ANKRD30B: variants seen among roughly 807,000 people sequenced by gnomAD.
ANKRD30B encodes the protein ankyrin repeat domain-containing protein 30B.
ANKRD30B carries 144 observed loss-of-function variants against 202.2 expected under a neutral mutation model. That is an observed-to-expected ratio of 0.71 (90% CI 0.62 to 0.82). The LOEUF (loss-of-function observed/expected upper bound fraction) is 0.82. ANKRD30B is among the 40% of genes least tolerant of loss of function. The pLI is 0.00. For synonymous variants in ANKRD30B, 508 were observed against 561.3 expected, an observed-to-expected ratio of 0.91 and a Z score of 1.34; for missense variants, 1,487 against 1,669.1, an observed-to-expected ratio of 0.89 and a Z score of 1.90.
At chr18:14,838,613 A>T (rs976919600) in intron 36 of ANKRD30B, among the ~76,000 whole-genome samples, 6 of 152,186 alleles carry the variant, frequency 3.9e-5, no homozygotes, top group Non-Finnish European at 7.3e-5. Flanking sequence ...CAAGGTCACA[A>T]CTGTGGATGT....
At chr18:14,799,533 T>C (rs947380215) in intron 22 of ANKRD30B, among the ~76,000 whole-genome samples, 1 of 152,112 alleles carries the variant, frequency 6.6e-6, no homozygotes, top group Non-Finnish European at 1.5e-5. Context: ...ATCCCGATAG[T>C]ATAAAGTTTC....
chr18:14,861,326 G>T, the ANKRD30B span, among the ~76,000 whole-genome samples: 1 of 152,118 alleles, frequency 6.6e-6, no homozygotes, highest in Non-Finnish European at 1.5e-5. Flanking sequence ...TAGACACAAA[G>T]TGGCAAACTG....
intron 32 of ANKRD30B, among the ~76,000 whole-genome samples, chr18:14,825,479 A>T (rs1335702026): frequency 6.6e-6 from 1 of 151,952 alleles, no homozygotes; most frequent in African/African-American, 2.4e-5. Context: ...GGATGATCAA[A>T]CTTTTGTCTT....
intron 9 of ANKRD30B, among the ~76,000 whole-genome samples, chr18:14,774,168 T>C (rs1967202530): frequency 6.6e-6 from 1 of 152,166 alleles, no homozygotes; most frequent in South Asian, 2.1e-4. Flanking sequence ...AAAATCTTTA[T>C]TACCCAGGTA....
In ANKRD30B at chr18:14,854,406, G is replaced by T. The variant is rs561235397; in HGVS notation, c.*248G>T. Among the ~76,000 whole-genome samples the T allele has an allele frequency of 4.6e-5, 7 of 152,232 alleles. No homozygotes were observed. The highest frequency in any genetic ancestry group is 1.7e-4 in the African/African-American group (7 of 41,562). ...GTCCTGGCAGTGCTTCTGGTGTGTG[G>T]GATGGGGGTAGAATCCCATGCATGA... On this transcript the variant is annotated 3_prime_UTR_variant, in exon 44 of 44. Transcript: ENST00000690538.
chr18:14,836,132 A>G (rs1485154102), intron 34 of ANKRD30B, among the ~76,000 whole-genome samples: 1 of 151,938 alleles, frequency 6.6e-6, no homozygotes, highest in Non-Finnish European at 1.5e-5. Flanking sequence ...ATAAATATTT[A>G]TTTTCTAATC....
At chr18:14,935,164 C>T in the ANKRD30B span, among the ~76,000 whole-genome samples, 2,227 of 152,270 alleles carry the variant, frequency 0.015, 45 homozygotes, top group African/African-American at 0.051. Flanking sequence ...CAGCCATTGT[C>T]ATAGCCTGGG....
At chr18:14,781,915 G>A (rs984340989) in intron 11 of ANKRD30B, among the ~76,000 whole-genome samples, 1 of 152,184 alleles carries the variant, frequency 6.6e-6, no homozygotes, top group African/African-American at 2.4e-5. Context: ...TTAAGCACCT[G>A]TGGTACATCA....
chr18:14,776,264 G>A (rs1338829461), intron 9 of ANKRD30B, among the ~76,000 whole-genome samples: 3 of 152,198 alleles, frequency 2.0e-5, no homozygotes, highest in Non-Finnish European at 4.4e-5. Context: ...TATCCAAGAT[G>A]AGGGATTATG....
intron 41 of ANKRD30B, among the ~76,000 whole-genome samples, chr18:14,850,669 A>G (rs1044930634): frequency 2.0e-5 from 3 of 151,960 alleles, no homozygotes; most frequent in East Asian, 1.9e-4. Flanking sequence ...AGATTAGTGT[A>G]TTTTTCCTAG....
chr18:14,899,933 T>C, the ANKRD30B span, among the ~76,000 whole-genome samples: 1 of 152,174 alleles, frequency 6.6e-6, no homozygotes, highest in African/African-American at 2.4e-5. Flanking sequence ...CTTCATTAAA[T>C]GACGAACGGA....
At chr18:14,789,728 G>C (rs368588497) in intron 15 of ANKRD30B, among the ~76,000 whole-genome samples, 43 of 152,120 alleles carry the variant, frequency 2.8e-4, no homozygotes, top group East Asian at 2.7e-3. Context: ...TCTGAGGGCT[G>C]TGTTCTGTTC....
At chr18:14,889,429 C>G in the ANKRD30B span, among the ~76,000 whole-genome samples, 1 of 152,138 alleles carries the variant, frequency 6.6e-6, no homozygotes, top group South Asian at 2.1e-4. Flanking sequence ...TATAATTAGC[C>G]TGTTCCAGGC....
At chr18:14,887,702 C>A in the ANKRD30B span, among the ~76,000 whole-genome samples, 1 of 151,444 alleles carries the variant, frequency 6.6e-6, no homozygotes, top group Admixed American at 6.6e-5. Context: ...AAATTAAAAG[C>A]ATATGAAACA....
At chr18:14,774,163 C>A (rs1183191152) in intron 9 of ANKRD30B, among the ~76,000 whole-genome samples, 2 of 151,904 alleles carry the variant, frequency 1.3e-5, no homozygotes, top group Non-Finnish European at 2.9e-5. Context: ...AAATTAAAAT[C>A]TTTATTACCC....
intron 6 of ANKRD30B, among the ~76,000 whole-genome samples, chr18:14,763,193 C>A (rs2073842936): frequency 6.6e-6 from 1 of 151,944 alleles, no homozygotes; most frequent in Admixed American, 6.6e-5. Context: ...TATGTCATGC[C>A]ATTACCATAT....
chr18:14,786,203 G>A (rs1322543024), intron 14 of ANKRD30B, among the ~76,000 whole-genome samples: 4 of 152,044 alleles, frequency 2.6e-5, no homozygotes, highest in Admixed American at 6.6e-5. Flanking sequence ...ACTTTTTGCT[G>A]ATAAAGAAAA....
intron 8 of ANKRD30B, among the ~76,000 whole-genome samples, chr18:14,771,598 T>C (rs1967008481): frequency 6.6e-6 from 1 of 152,206 alleles, no homozygotes. Context: ...GGCACTGTTT[T>C]GTAGTGTTTC....
chr18:14,936,461 C>T, the ANKRD30B span, among the ~76,000 whole-genome samples: 1 of 152,132 alleles, frequency 6.6e-6, no homozygotes, highest in Non-Finnish European at 1.5e-5. Context: ...CAGCAATCCA[C>T]ATTTATGATG....
Sources: gnomAD v4.1 joint callset for allele counts (sites outside exome capture counted in the v4.1 genomes callset) on GRCh38, gnomAD v4.1.1 for gene constraint, MANE v1.5 for transcripts, NCBI Gene and HGNC (gene_info 2026-07-23, HGNC 2026-07-21) for gene names.